USP6: variants seen among roughly 807,000 people sequenced by gnomAD.
The protein encoded by USP6 is ubiquitin carboxyl-terminal hydrolase 6.
USP6 carries 128 observed loss-of-function variants against 175.7 expected under a neutral mutation model. The observed-to-expected ratio is 0.73, with a 90% CI of 0.63 to 0.84. USP6 has a LOEUF of 0.84. USP6 is among the 40% of genes least tolerant of loss of function. USP6 has a pLI of 0.00. For synonymous variants in USP6, 562 were observed against 630.6 expected, an observed-to-expected ratio of 0.89 and a Z score of 1.63; for missense variants, 1,498 against 1,760.3, an observed-to-expected ratio of 0.85 and a Z score of 2.67.
intron 33 of USP6, among the ~76,000 whole-genome samples, chr17:5,163,414 A>AG (rs1398759559): frequency 6.6e-6 from 1 of 152,174 alleles, no homozygotes; most frequent in Admixed American, 6.5e-5. Flanking sequence ...ACCAAACAGG[A>AG]GGAAGATCCT....
chr17:5,135,173 C>T (rs1482503841), intron 15 of USP6, 61 bp from the exon 16 acceptor site: 1 of 1,569,060 alleles, frequency 6.4e-7, no homozygotes. Flanking sequence ...GATTTGTAGA[C>T]AAAGTGAAAC....
rs1166420346 is a variant in USP6 at position 5,116,675 on chromosome 17, G to T, written c.-1993G>T. Reference sequence around the variant, plus strand: ...GGAAGGAACTGGGAGACCCAAGACTGTACCGCCAAGACCGCTTTCGAGTCG... The same window carrying T: ...GGAAGGAACTGGGAGACCCAAGACTTTACCGCCAAGACCGCTTTCGAGTCG... On this transcript the variant is annotated 5_prime_UTR_variant, in exon 1 of 38. Transcript: ENST00000574788. 6.6e-6 allele frequency: 1 copy of T among 152,276 alleles called. No homozygotes were observed. The highest frequency in any genetic ancestry group is 1.5e-5 in the Non-Finnish European group (1 of 68,060). 9.4% of individuals were successfully genotyped at this position (152,276 alleles called of 1,614,324 possible). A position where few individuals can be genotyped will look rare whatever the true frequency, so the allele number is the denominator to read the frequency against.
chr17:5,142,297 A>T, intron 24 of USP6, 100 bp from the exon 25 acceptor site: 1 of 1,543,450 alleles, frequency 6.5e-7, no homozygotes, highest in South Asian at 1.2e-5. Flanking sequence ...TCTTGTTTCA[A>T]AAAGAAAAGA....
chr17:5,122,387 G>A (rs2072705285), intron 4 of USP6, among the ~76,000 whole-genome samples: 1 of 152,188 alleles, frequency 6.6e-6, no homozygotes, highest in Non-Finnish European at 1.5e-5. Context: ...GTTTGCAGGT[G>A]GGAAGGGTGA....
At chr17:5,125,400 G>GT (rs112437767) in intron 5 of USP6, 128 bp downstream of exon 5, 19,260 of 152,112 alleles carry the variant, frequency 0.13, 1,393 homozygotes, top group African/African-American at 0.17. Context: ...CCGTGGAAGA[G>GT]TTGTCTTCAA....
chr17:5,146,476 C>T (rs1465769056), intron 28 of USP6, among the ~76,000 whole-genome samples: 2 of 152,120 alleles, frequency 1.3e-5, no homozygotes, highest in Non-Finnish European at 2.9e-5. Context: ...GCTGCTATTA[C>T]CAAAGACTGC....
At chr17:5,125,736 C>T (rs1435701829) in intron 5 of USP6, 85 bp from the exon 6 acceptor site, 2 of 149,042 alleles carry the variant, frequency 1.3e-5, no homozygotes, top group African/African-American at 5.1e-5. Flanking sequence ...TGTTTCATGC[C>T]CTCACTAGGG....
Position 5,165,839 on chromosome 17 carries a change from C to A in USP6, c.3037-2093C>A, listed in dbSNP as rs189322998. 3.9e-3 allele frequency among the ~76,000 whole-genome samples: 601 copies of A among 152,254 alleles called. 9 individuals carry two copies. Among genetic ancestry groups the A allele is most frequent in the African/African-American group, 0.014 (582 of 41,552 alleles). On this transcript the variant is annotated intron_variant, in intron 33 of 37. Coordinates refer to ENST00000574788, the MANE Select transcript of USP6 (RefSeq NM_001304284.2). ...ATCTTTATCACTTTGGGAACTTTTACTGATAAATAGAAATTACTGTCAGTA... is the reference window on the plus strand; with the variant it reads ...ATCTTTATCACTTTGGGAACTTTTAATGATAAATAGAAATTACTGTCAGTA...
Position 5,139,202 on chromosome 17 carries a change from A to G in USP6, c.1079-53A>G, listed in dbSNP as rs760724745. 12 of 1,598,394 alleles carry G rather than the reference A, an allele frequency of 7.5e-6. No homozygotes were observed. In the Admixed American group the frequency reaches 2.0e-4, roughly 27 times the overall value. The stretch of plus-strand genomic sequence containing the variant: ...TGCAGGCAGGTGGGGCCCAGCCCGG[A>G]AAGGCCTGCATGGGCTCACTGGAGA... On this transcript the variant is annotated intron_variant, in intron 21 of 37. Coordinates refer to ENST00000574788, the MANE Select transcript of USP6 (RefSeq NM_001304284.2).
At chr17:5,158,395 C>T (rs746033016) in intron 31 of USP6, among the ~76,000 whole-genome samples, 78 of 152,080 alleles carry the variant, frequency 5.1e-4, no homozygotes, top group Non-Finnish European at 8.1e-4. Flanking sequence ...GGCAAAACCC[C>T]GTCTCTACTA....
rs114991387 is a variant in USP6, at chr17:5,133,986, T to C, written c.484T>C (p.Tyr162His). 0.064 allele frequency: 103,136 copies of C among 1,613,664 alleles called. 3,710 individuals carry two copies. The highest frequency in any genetic ancestry group is 0.15 in the East Asian group (6,873 of 44,830). ...GAACCATGTCTTCTTTAGGGATCGA[T>C]ATGGAGCCAAGTAAGCCTACGGGAG... ...LRNHVFFRDR[Y>H]GAKQRELFYI... Residue 162 changes from tyrosine to histidine, a missense_variant, in exon 15 of 38, where the codon TAT (tyrosine) becomes CAT (histidine). By Grantham distance (83) the Tyr-to-His change is moderately conservative. This residue lies in a region of USP6 where 281 missense variants were observed against 259.6 expected (regional missense o/e 1.08). Coordinates refer to ENST00000574788, the MANE Select transcript of USP6 (RefSeq NM_001304284.2).
intron 22 of USP6, among the ~76,000 whole-genome samples, chr17:5,141,028 G>A (rs1254104381): frequency 6.6e-6 from 1 of 152,066 alleles, no homozygotes; most frequent in African/African-American, 2.4e-5. Flanking sequence ...TTACTGCAGT[G>A]GTCCCATAAG....
intron 30 of USP6, among the ~76,000 whole-genome samples, chr17:5,151,246 T>C (rs1342800956): frequency 2.0e-5 from 3 of 152,058 alleles, no homozygotes; most frequent in Non-Finnish European, 2.9e-5. Context: ...AGGAATAAAC[T>C]TTAAAAATGA....
chr17:5,146,443 A>G (rs1280107953), intron 28 of USP6, among the ~76,000 whole-genome samples: 3 of 152,158 alleles, frequency 2.0e-5, no homozygotes, highest in Non-Finnish European at 4.4e-5. Context: ...GTGTCACTAT[A>G]GTATAGGTTT....
At chr17:5,123,905 G>GCA (rs894951754) in intron 4 of USP6, among the ~76,000 whole-genome samples, 16 of 141,594 alleles carry the variant, frequency 1.1e-4, no homozygotes, top group South Asian at 2.2e-4. Context: ...ACGCACGTGC[G>GCA]CACACACACA....
At chr17:5,126,710 C>G (rs1357661191) in intron 6 of USP6, 2 of 152,298 alleles carry the variant, frequency 1.3e-5, no homozygotes, top group African/African-American at 2.4e-5. Flanking sequence ...TTCTCTCTCT[C>G]TCCTCATCTC....
chr17:5,130,707 C>A, intron 11 of USP6, 23 bp downstream of exon 11: 1 of 1,612,686 alleles, frequency 6.2e-7, no homozygotes, highest in South Asian at 1.1e-5. Flanking sequence ...CTATGCTCCC[C>A]TCACCCCTAA....
rs1342907209 is a variant in USP6 at position 5,138,283 on chromosome 17, A to G, written c.1078+10A>G. 4 of 1,613,074 alleles carry G rather than the reference A, an allele frequency of 2.5e-6. No individual in the cohort carries two copies. Among genetic ancestry groups the G allele is most frequent in the Non-Finnish European group, 3.4e-6 (4 of 1,179,832 alleles). ...GACCTGCCACCCCCAGGTGGGCTCC[A>G]GTGCCATGTCCCCTCCCATGTCAGC... On this transcript the variant is annotated intron_variant, in intron 21 of 37. Coordinates refer to ENST00000574788, the MANE Select transcript of USP6 (RefSeq NM_001304284.2).
At chr17:5,133,583 G>A in intron 14 of USP6, 33 bp downstream of exon 14, 2 of 1,583,634 alleles carry the variant, frequency 1.3e-6, no homozygotes, top group South Asian at 1.1e-5. Flanking sequence ...AAACAGGACA[G>A]GCCGTGTCAG....
Sources: allele counts gnomAD v4.1 joint callset (sites outside exome capture counted in the v4.1 genomes callset), GRCh38; gene constraint gnomAD v4.1.1; regional missense constraint gnomAD v4.1.1; transcripts MANE v1.5; gene names NCBI Gene and HGNC (gene_info 2026-07-23, HGNC 2026-07-21).